The following AFF3 variants were observed in gnomAD, a reference collection of about 807,000 sequenced individuals.
AFF3 encodes the protein AF4/FMR2 family member 3.
In AFF3, 32 loss-of-function variants were observed where a neutral mutation model predicts 129.7. The observed-to-expected ratio is 0.25, with a 90% CI of 0.19 to 0.33. AFF3 has a LOEUF of 0.33. AFF3 is among the 10% of genes least tolerant of loss of function. The probability of loss-of-function intolerance (pLI) is 1.00; values close to 1 mark genes in which losing one functional copy is unlikely to be tolerated. For missense variants in AFF3, 1,373 were observed against 1,592.0 expected (o/e 0.86, Z 2.34); for synonymous variants, 644 against 635.4 (o/e 1.01, Z -0.20).
At chr2:100,066,741 T>C (rs1048539394) in intron 4 of AFF3, among the ~76,000 whole-genome samples, 1 of 152,196 alleles carries the variant, frequency 6.6e-6, no homozygotes, top group Admixed American at 6.5e-5. Flanking sequence ...CTCTCTTCCA[T>C]CTTAGTTATA....
intron 4 of AFF3, among the ~76,000 whole-genome samples, chr2:100,029,019 C>T (rs73966403): frequency 0.02 from 3,102 of 152,216 alleles, 86 homozygotes; most frequent in African/African-American, 0.068. Context: ...ACAACTCAAG[C>T]GTTTATCAGT....
intron 4 of AFF3, among the ~76,000 whole-genome samples, chr2:100,037,551 T>G (rs1196495288): frequency 0.32 from 29 of 92 alleles, 2 homozygotes; most frequent in Admixed American, 0.5. Context: ...TATTTATATT[T>G]TATATATTAT....
At chr2:99,897,144 C>T (rs1694034306) in intron 7 of AFF3, among the ~76,000 whole-genome samples, 1 of 152,010 alleles carries the variant, frequency 6.6e-6, no homozygotes, top group Non-Finnish European at 1.5e-5. Context: ...ATATTTACTA[C>T]AAAATAAATG....
chr2:99,590,472 G>T (rs1035379604), intron 15 of AFF3, among the ~76,000 whole-genome samples: 2 of 152,194 alleles, frequency 1.3e-5, no homozygotes, highest in African/African-American at 4.8e-5. Context: ...GGGGCCCTGG[G>T]TGATGCACAC....
At chr2:99,814,857 T>A (rs554746530) in intron 8 of AFF3, among the ~76,000 whole-genome samples, 1 of 151,220 alleles carries the variant, frequency 6.6e-6, no homozygotes, top group East Asian at 1.9e-4. Flanking sequence ...ATTATACTTT[T>A]TTTTTTTTTT....
chr2:99,707,775 C>G (rs1307522737), intron 11 of AFF3: 10 of 465,212 alleles, frequency 2.1e-5, no homozygotes, highest in South Asian at 9.1e-5. Flanking sequence ...ATCCTATGAC[C>G]TCAGTTTTAG....
chr2:99,752,258 C>A lies in AFF3; in HGVS notation c.965G>T (p.Gly322Val). The stretch of plus-strand genomic sequence containing the variant: ...TGGAAATTTGGTTGGTTCCACTTTG[C>A]CAGGTGCTTGAATAGCAGAAAGTGG... ...LPPLSAIQAP[G>V]KVEPTKFPFP... Residue 322 changes from glycine (G) to valine (V), a missense_variant, in exon 9 of 25, where the codon GGC (glycine) becomes GTC (valine). By Grantham distance (109) the Gly-to-Val change is moderately radical (BLOSUM62 -3). Transcript: ENST00000672756. 1 of 1,613,910 alleles carries A rather than the reference C, an allele frequency of 6.2e-7. No homozygotes were observed. The highest frequency in any genetic ancestry group is 8.5e-7 in the Non-Finnish European group (1 of 1,179,878).
intron 4 of AFF3, among the ~76,000 whole-genome samples, chr2:100,096,480 AT>A (rs1280816275): frequency 6.6e-6 from 1 of 152,052 alleles, no homozygotes; most frequent in African/African-American, 2.4e-5. Context: ...CTGTACTGTT[AT>A]TACACAAAGG....
At chr2:99,986,600 G>A (rs1204755585) in intron 7 of AFF3, among the ~76,000 whole-genome samples, 2 of 152,124 alleles carry the variant, frequency 1.3e-5, no homozygotes, top group East Asian at 1.9e-4. Context: ...TTTTAAACCT[G>A]TAATTTTCAG....
At chr2:99,554,178 G>T in intron 24 of AFF3, 133 bp downstream of exon 24, 2 of 930,074 alleles carry the variant, frequency 2.2e-6, no homozygotes, top group South Asian at 3.1e-5. Flanking sequence ...ATGAGAAAAT[G>T]CCTGATATAA....
chr2:99,947,610 A>G, intron 7 of AFF3, among the ~76,000 whole-genome samples: 1 of 63,222 alleles, frequency 1.6e-5, no homozygotes, highest in Non-Finnish European at 3.4e-5. Flanking sequence ...AAAGATAGAT[A>G]GATAGATAGA....
At chr2:100,135,235 AG>A (rs1193627723) in intron 1 of AFF3, among the ~76,000 whole-genome samples, 10 of 152,232 alleles carry the variant, frequency 6.6e-5, no homozygotes, top group Admixed American at 2.0e-4. Context: ...AGATGGCCAC[AG>A]CAGTGTGTGT....
At chr2:99,912,253 G>A (rs1257146167) in intron 7 of AFF3, among the ~76,000 whole-genome samples, 2 of 152,136 alleles carry the variant, frequency 1.3e-5, no homozygotes, top group African/African-American at 2.4e-5. Flanking sequence ...TGACCCATGC[G>A]AAAATATTTG....
chr2:99,744,710 C>T (rs1291262363), intron 9 of AFF3, among the ~76,000 whole-genome samples: 1 of 152,104 alleles, frequency 6.6e-6, no homozygotes, highest in African/African-American at 2.4e-5. Context: ...TAGCATGTAT[C>T]GGTTCTTCAT....
At position 99,568,922 on chromosome 2, in the gene AFF3, G is replaced by A; in HGVS notation, c.2919-7C>T. 1 of 1,613,666 alleles carries A rather than the reference G, an allele frequency of 6.2e-7. No homozygotes were observed. Among genetic ancestry groups the A allele is most frequent in the Non-Finnish European group, 8.5e-7 (1 of 1,179,636 alleles). On this transcript the variant is annotated splice_region_variant and splice_polypyrimidine_tract_variant and intron_variant, in intron 18 of 24. Coordinates refer to ENST00000672756, the MANE Select transcript of AFF3 (RefSeq NM_001386135.1). Reference sequence around the variant, plus strand: ...ATAATCGGCACTGCGAGGCCTACAAGGAGAGAATGATATTAAACGTCATTA... The same window carrying A: ...ATAATCGGCACTGCGAGGCCTACAAAGAGAGAATGATATTAAACGTCATTA...
intron 8 of AFF3, among the ~76,000 whole-genome samples, chr2:99,753,993 A>G (rs1681884016): frequency 6.6e-6 from 1 of 152,140 alleles, no homozygotes; most frequent in Admixed American, 6.5e-5. Flanking sequence ...TCAAGGAACT[A>G]TTCGTCATTC....
intron 13 of AFF3, among the ~76,000 whole-genome samples, chr2:99,637,818 AT>A (rs1328225751): frequency 6.6e-6 from 1 of 152,270 alleles, no homozygotes; most frequent in African/African-American, 2.4e-5. Context: ...GATACTTAAA[AT>A]TTTTTTGGAT....
chr2:99,546,793 G>A lies in AFF3; in HGVS notation c.*4681C>T. ...TTCAGTTGTGTGCAGTTCCCTGACTGCACACAAGTCAGGGAACTAACTTGT... is the reference window on the plus strand; with the variant it reads ...TTCAGTTGTGTGCAGTTCCCTGACTACACACAAGTCAGGGAACTAACTTGT... On this transcript the variant is annotated 3_prime_UTR_variant, in exon 25 of 25. Transcript: ENST00000672756. 1 of 214,620 alleles carries A rather than the reference G, an allele frequency of 4.7e-6. No individual in the cohort carries two copies. 13.3% of individuals were successfully genotyped at this position (214,620 alleles called of 1,614,324 possible).
In AFF3 at chr2:99,549,625, G is replaced by A; in HGVS notation, c.*1849C>T. ...GGTTGTAAGAAGCACCCCAGTTGGA[G>A]ACATGTAAAATGGAAATTCTCTTAA... On this transcript the variant is annotated 3_prime_UTR_variant, in exon 25 of 25. Coordinates refer to ENST00000672756, the MANE Select transcript of AFF3 (RefSeq NM_001386135.1). 1 of 205,176 alleles carries A rather than the reference G, an allele frequency of 4.9e-6. No individual in the cohort carries two copies. The highest frequency in any genetic ancestry group is 6.0e-5 in the Admixed American group (1 of 16,764). 12.7% of individuals were successfully genotyped at this position (205,176 alleles called of 1,614,324 possible). A position where few individuals can be genotyped will look rare whatever the true frequency, so the allele number is the denominator to read the frequency against.
Sources: allele counts gnomAD v4.1 joint callset (sites outside exome capture counted in the v4.1 genomes callset), GRCh38; gene constraint gnomAD v4.1.1; transcripts MANE v1.5; gene names NCBI Gene and HGNC (gene_info 2026-07-23, HGNC 2026-07-21).